HYCC2: variants seen among roughly 807,000 people sequenced by gnomAD.
The protein encoded by HYCC2 is hyccin PI4KA lipid kinase complex subunit 2.
At chr2:201,006,233 T>C in the HYCC2 span, among the ~76,000 whole-genome samples, 1 of 150,486 alleles carries the variant, frequency 6.6e-6, no homozygotes, top group African/African-American at 2.5e-5. Context: ...GTTCAGGTGA[T>C]TGTCCCTCCC....
the HYCC2 span, among the ~76,000 whole-genome samples, chr2:201,054,461 T>C: frequency 6.6e-6 from 1 of 152,172 alleles, no homozygotes. Flanking sequence ...ACCTAGTAAA[T>C]GAAGATAACC....
chr2:201,003,997 T>C, the HYCC2 span, among the ~76,000 whole-genome samples: 1 of 151,732 alleles, frequency 6.6e-6, no homozygotes, highest in Non-Finnish European at 1.5e-5. Context: ...GTATTTTTAG[T>C]GAGACAGGGT....
chr2:200,987,464 C>G, the HYCC2 span: 3 of 1,289,832 alleles, frequency 2.3e-6, no homozygotes, highest in Non-Finnish European at 3.0e-6. Context: ...ATCCCTAGGT[C>G]AGTGGAGCCG....
At chr2:201,010,313 A>G in the HYCC2 span, among the ~76,000 whole-genome samples, 1 of 152,204 alleles carries the variant, frequency 6.6e-6, no homozygotes, top group Non-Finnish European at 1.5e-5. Context: ...TTAATAGTGC[A>G]AAGAGCTATG....
the HYCC2 span, among the ~76,000 whole-genome samples, chr2:200,999,481 G>A: frequency 6.6e-6 from 1 of 151,370 alleles, no homozygotes; most frequent in African/African-American, 2.4e-5. Flanking sequence ...CGCCTCCCAG[G>A]TTCAAGCCAT....
chr2:201,041,080 A>T, the HYCC2 span, among the ~76,000 whole-genome samples: 6 of 152,300 alleles, frequency 3.9e-5, no homozygotes, highest in African/African-American at 1.4e-4. Context: ...TACTTCATAT[A>T]GTTTTTGTAT....
the HYCC2 span, among the ~76,000 whole-genome samples, chr2:201,050,677 T>G: frequency 6.6e-6 from 1 of 151,790 alleles, no homozygotes; most frequent in Non-Finnish European, 1.5e-5. Flanking sequence ...CTCATGTCTA[T>G]AATCCCAGTA....
the HYCC2 span, among the ~76,000 whole-genome samples, chr2:201,006,927 G>A: frequency 6.6e-6 from 1 of 152,280 alleles, no homozygotes; most frequent in Non-Finnish European, 1.5e-5. Flanking sequence ...AAATAGTGCT[G>A]CACAAGTTTA....
chr2:201,008,195 C>T, the HYCC2 span, among the ~76,000 whole-genome samples: 21 of 152,134 alleles, frequency 1.4e-4, no homozygotes, highest in Non-Finnish European at 2.4e-4. Flanking sequence ...TGTAAAATTT[C>T]AGGTACGAAT....
At chr2:201,028,742 G>A in the HYCC2 span, among the ~76,000 whole-genome samples, 33,082 of 152,100 alleles carry the variant, frequency 0.22, 4,466 homozygotes, top group African/African-American at 0.38. Flanking sequence ...AAATGATGCT[G>A]GGAAATCTGG....
the HYCC2 span, among the ~76,000 whole-genome samples, chr2:201,017,830 T>A: frequency 6.6e-6 from 1 of 152,218 alleles, no homozygotes; most frequent in African/African-American, 2.4e-5. Flanking sequence ...TGGAATCAGT[T>A]TTCATTGTAT....
the HYCC2 span, chr2:201,009,280 C>T: frequency 2.0e-5 from 8 of 408,146 alleles, no homozygotes; most frequent in African/African-American, 1.6e-4. Flanking sequence ...TTGGAAATTG[C>T]CTGTAAAATA....
At chr2:201,037,103 C>G in the HYCC2 span, among the ~76,000 whole-genome samples, 1 of 152,146 alleles carries the variant, frequency 6.6e-6, no homozygotes, top group Non-Finnish European at 1.5e-5. Flanking sequence ...ACACCAATAA[C>G]AGACAAACAG....
chr2:201,064,570 C>T, the HYCC2 span, among the ~76,000 whole-genome samples: 16 of 151,916 alleles, frequency 1.1e-4, no homozygotes, highest in Non-Finnish European at 1.9e-4. Flanking sequence ...ACTGTTGTGA[C>T]CTGAAGTTCA....
the HYCC2 span, among the ~76,000 whole-genome samples, chr2:200,982,370 A>G: frequency 1.1e-4 from 17 of 152,274 alleles, no homozygotes; most frequent in Admixed American, 1.0e-3. Flanking sequence ...CTTTTTAACT[A>G]TAATAAAATT....
chr2:201,022,124 T>C, the HYCC2 span: 5 of 1,288,292 alleles, frequency 3.9e-6, no homozygotes, highest in East Asian at 2.8e-4. Flanking sequence ...TCTGGGAAGA[T>C]AAGAAGCTAC....
At chr2:201,036,864 C>T in the HYCC2 span, among the ~76,000 whole-genome samples, 9 of 152,224 alleles carry the variant, frequency 5.9e-5, no homozygotes, top group Admixed American at 5.2e-4. Context: ...CTCACCACTC[C>T]TATTCAACAT....
chr2:201,013,455 AG>A, the HYCC2 span, among the ~76,000 whole-genome samples: 1 of 149,934 alleles, frequency 6.7e-6, no homozygotes, highest in Non-Finnish European at 1.5e-5. Flanking sequence ...GCGACAGCTG[AG>A]ACTGTGCCAC....
chr2:201,022,242 C>T, the HYCC2 span: 1 of 446,290 alleles, frequency 2.2e-6, no homozygotes, highest in Non-Finnish European at 4.1e-6. Context: ...GTGTATTTTG[C>T]ATAAATTAAT....
Sources: allele counts gnomAD v4.1 joint callset (sites outside exome capture counted in the v4.1 genomes callset), GRCh38; gene constraint gnomAD v4.1.1; transcripts MANE v1.5; gene names NCBI Gene and HGNC (gene_info 2026-07-23, HGNC 2026-07-21).